The following CD2AP variants were observed in gnomAD, a reference collection of about 807,000 sequenced individuals.
CD2AP encodes the protein CD2 associated protein, also known as CD2-associated protein.
A neutral mutation model predicts 85.1 loss-of-function variants in CD2AP; 46 were observed. The observed-to-expected ratio is 0.54, with a 90% CI of 0.43 to 0.69. The LOEUF (loss-of-function observed/expected upper bound fraction) is 0.69, where lower values mean the gene tolerates loss of function less well. CD2AP is among the 30% of genes least tolerant of loss of function. CD2AP has a pLI of 0.00. For missense variants in CD2AP, 769 were observed against 729.5 expected, an observed-to-expected ratio of 1.05 and a Z score of -0.62; for synonymous variants, 255 against 252.9, an observed-to-expected ratio of 1.01 and a Z score of -0.08.
In CD2AP at chr6:47,605,500, C is replaced by CT. The variant is rs147090901; in HGVS notation, c.1418-655dup. Among the ~76,000 whole-genome samples, 105 of 147,526 alleles carry CT rather than the reference C, an allele frequency of 7.1e-4. No homozygotes were observed. In the South Asian group the frequency reaches 0.012, roughly 17 times the overall value. ...GTTGGTAATCCATGTAGCTTTTTCT[C>CT]TTTTTTTTTTGGTATCTGATTTGCC... On this transcript the variant is annotated intron_variant, in intron 13 of 17. Transcript: ENST00000359314.
intron 17 of CD2AP, among the ~76,000 whole-genome samples, chr6:47,618,645 A>C (rs1295586126): frequency 6.6e-6 from 1 of 152,230 alleles, no homozygotes; most frequent in East Asian, 1.9e-4. Context: ...CATTTTATAC[A>C]TACATGTTTA....
chr6:47,541,002 G>T (rs537606369), intron 3 of CD2AP, among the ~76,000 whole-genome samples: 1 of 152,120 alleles, frequency 6.6e-6, no homozygotes, highest in African/African-American at 2.4e-5. Context: ...CCTATAGCAC[G>T]CAAAAAACTA....
At chr6:47,516,822 A>C (rs1766463039) in intron 2 of CD2AP, among the ~76,000 whole-genome samples, 1 of 152,256 alleles carries the variant, frequency 6.6e-6, no homozygotes, top group African/African-American at 2.4e-5. Context: ...TAGGAAAGTC[A>C]TGGACAATCA....
chr6:47,618,139 C>CA (rs1307745005), intron 17 of CD2AP, among the ~76,000 whole-genome samples: 2 of 152,050 alleles, frequency 1.3e-5, no homozygotes, highest in Non-Finnish European at 2.9e-5. Flanking sequence ...GCCAACATGG[C>CA]AAAACCTTGT....
At chr6:47,519,790 C>A (rs1307238690) in intron 2 of CD2AP, among the ~76,000 whole-genome samples, 2 of 152,054 alleles carry the variant, frequency 1.3e-5, no homozygotes, top group East Asian at 3.8e-4. Flanking sequence ...TATAATATGG[C>A]AGGCACTGTT....
intron 3 of CD2AP, among the ~76,000 whole-genome samples, chr6:47,537,831 G>A (rs1767094512): frequency 6.6e-6 from 1 of 151,648 alleles, no homozygotes; most frequent in Admixed American, 6.6e-5. Flanking sequence ...TCTCAGGCTG[G>A]AGTTCATTGG....
intron 3 of CD2AP, among the ~76,000 whole-genome samples, chr6:47,540,188 A>G (rs945584005): frequency 1.3e-4 from 20 of 151,380 alleles, no homozygotes; most frequent in Non-Finnish European, 2.5e-4. Context: ...AAAAAAAAAA[A>G]AAAAAGAAAA....
In CD2AP at chr6:47,554,767, G is replaced by T; in HGVS notation, c.541+1G>T. 1 of 1,608,134 alleles carries T rather than the reference G, an allele frequency of 6.2e-7. No homozygotes were observed. The highest frequency in any genetic ancestry group is 1.1e-5 in the South Asian group (1 of 89,626). Reference sequence around the variant, plus strand: ...ACTCATGAAGCCCAGGACGATTCAGGTAGACTATTTTTTAAAATTTTTAAT... The same window carrying T: ...ACTCATGAAGCCCAGGACGATTCAGTTAGACTATTTTTTAAAATTTTTAAT... On this transcript the variant is annotated splice_donor_variant, in intron 5 of 17. Transcript: ENST00000359314. LOFTEE classifies it high-confidence loss of function.
At chr6:47,523,402 T>G (rs139789484) in intron 2 of CD2AP, among the ~76,000 whole-genome samples, 112 of 152,262 alleles carry the variant, frequency 7.4e-4, no homozygotes, top group African/African-American at 2.1e-3. Context: ...TTGTATACCT[T>G]AAGTATATGC....
At chr6:47,610,984 TTTG>T (rs1299856102) in intron 16 of CD2AP, among the ~76,000 whole-genome samples, 5 of 142,148 alleles carry the variant, frequency 3.5e-5, no homozygotes, top group African/African-American at 1.1e-4. Context: ...TTTTTTTTTT[TTTG>T]AATATAAAAC....
chr6:47,583,632 G>A (rs1410965312), intron 11 of CD2AP, among the ~76,000 whole-genome samples: 1 of 152,150 alleles, frequency 6.6e-6, no homozygotes, highest in Admixed American at 6.5e-5. Flanking sequence ...ATATTTCAAT[G>A]TCTTTATATT....
intron 3 of CD2AP, among the ~76,000 whole-genome samples, chr6:47,540,229 T>A (rs1055170605): frequency 1.1e-4 from 17 of 151,898 alleles, no homozygotes; most frequent in Non-Finnish European, 1.6e-4. Context: ...GTGTTTTTTT[T>A]AAAATGGACT....
chr6:47,582,128 T>C, intron 11 of CD2AP, 63 bp downstream of exon 11: 2 of 1,029,542 alleles, frequency 1.9e-6, no homozygotes, highest in Non-Finnish European at 3.1e-6. Context: ...TTAAAGAGAA[T>C]TATTTCTCCA....
At chr6:47,525,908 C>T (rs760935840) in intron 2 of CD2AP, among the ~76,000 whole-genome samples, 1 of 152,054 alleles carries the variant, frequency 6.6e-6, no homozygotes, top group Admixed American at 6.5e-5. Context: ...GTATGAAACT[C>T]GAGTTTTTCA....
intron 3 of CD2AP, among the ~76,000 whole-genome samples, chr6:47,535,632 G>A (rs980885105): frequency 6.6e-6 from 1 of 152,146 alleles, no homozygotes; most frequent in African/African-American, 2.4e-5. Flanking sequence ...GGGAATATTT[G>A]CATATTATAT....
Position 47,478,152 on chromosome 6 carries a change from C to T in CD2AP, c.-93C>T. 1.3e-6 allele frequency: 2 copies of T among 1,493,522 alleles called. No homozygotes were observed. The highest frequency in any genetic ancestry group is 1.2e-5 in the South Asian group (1 of 82,828). 92.5% of individuals were successfully genotyped at this position (1,493,522 alleles called of 1,614,324 possible). A position where few individuals can be genotyped will look rare whatever the true frequency, so the allele number is the denominator to read the frequency against. The stretch of plus-strand genomic sequence containing the variant: ...GGAGGGGCTAGCGCGGAGCGCGGGT[C>T]CCGCCTCCAGCCGCGGGAGCGGCCG... On this transcript the variant is annotated 5_prime_UTR_variant, in exon 1 of 18. Coordinates refer to ENST00000359314, the MANE Select transcript of CD2AP (RefSeq NM_012120.3).
intron 4 of CD2AP, among the ~76,000 whole-genome samples, chr6:47,545,775 C>G (rs1280397539): frequency 1.3e-5 from 2 of 152,124 alleles, no homozygotes; most frequent in African/African-American, 2.4e-5. Flanking sequence ...CTCTACAGTT[C>G]AACTCTCAGG....
chr6:47,615,792 A>ATTT (rs1554129260), intron 17 of CD2AP, among the ~76,000 whole-genome samples: 36,856 of 116,874 alleles, frequency 0.32, 5,456 homozygotes, highest in East Asian at 0.49. Context: ...AATTTAATTT[A>ATTT]ATTTATTTAT....
chr6:47,539,418 GACCCAC>G (rs1464270938), intron 3 of CD2AP, among the ~76,000 whole-genome samples: 1 of 152,166 alleles, frequency 6.6e-6, no homozygotes, highest in African/African-American at 2.4e-5. Context: ...GCCTTTGGCA[GACCCAC>G]AGAAATAAGC....
Sources: gnomAD v4.1 joint callset for allele counts (sites outside exome capture counted in the v4.1 genomes callset) on GRCh38, gnomAD v4.1.1 for gene constraint, MANE v1.5 for transcripts, NCBI Gene and HGNC (gene_info 2026-07-23, HGNC 2026-07-21) for gene names.